Variants in ACTL8 observed in about 807,000 individuals in gnomAD.
ACTL8 encodes actin-like protein 8.
In ACTL8, 3 loss-of-function variants were observed where a neutral mutation model predicts 9.3. That is an observed-to-expected ratio of 0.32 (90% CI 0.15 to 0.83). The LOEUF (loss-of-function observed/expected upper bound fraction) is 0.83. ACTL8 is among the 40% of genes least tolerant of loss of function. The pLI, the probability that ACTL8 is intolerant of heterozygous loss-of-function variation, is 0.57. For missense variants in ACTL8, 381 were observed against 492.2 expected (o/e 0.77, Z 2.14); for synonymous variants, 224 against 205.9 (o/e 1.09, Z -0.75).
At position 17,823,279 on chromosome 1, in the gene ACTL8, C is replaced by T. The variant is rs150792142; in HGVS notation, c.271C>T (p.Arg91Trp). ...LWSFVLENHR[R>W]EQEVPPVIIT... ...GTCATTTGTGTTGGAGAACCACAGA[C>T]GGGAGCAAGAGGTCCCCCCTGTGAT... is the stretch of plus-strand genomic sequence containing the variant. Residue 91 changes from arginine to tryptophan, a missense_variant, in exon 2 of 3, where the codon CGG becomes TGG. By Grantham distance (101) the Arg-to-Trp change is moderately radical (BLOSUM62 -3). Coordinates refer to ENST00000375406, the MANE Select transcript of ACTL8 (RefSeq NM_030812.3). The surrounding 1 kb of genome is among the most constrained non-coding windows in gnomAD (Gnocchi z 5.3). The T allele has an allele frequency of 4.7e-5, 76 of 1,614,108 alleles. No individual in the cohort carries two copies. Among genetic ancestry groups the T allele is most frequent in the Non-Finnish European group, 5.8e-5 (69 of 1,180,032 alleles).
intron 1 of ACTL8, among the ~76,000 whole-genome samples, chr1:17,772,221 A>T (rs944798948): frequency 6.6e-6 from 1 of 152,240 alleles, no homozygotes; most frequent in African/African-American, 2.4e-5. Context: ...TATCGATTGC[A>T]TTGGAACAAA....
chr1:17,812,427 CTTTTTTTTTTTT>C (rs141182523), intron 1 of ACTL8, among the ~76,000 whole-genome samples: 3 of 122,412 alleles, frequency 2.5e-5, no homozygotes, highest in East Asian at 5.1e-4. Flanking sequence ...ATTTTTTTTC[CTTTTTTTTTTTT>C]TTTTTTTTGA....
chr1:17,808,356 C>A (rs1222336662), intron 1 of ACTL8, among the ~76,000 whole-genome samples: 1 of 152,212 alleles, frequency 6.6e-6, no homozygotes. Flanking sequence ...TATTGTTAGT[C>A]CTTTCATCTG....
intron 1 of ACTL8, among the ~76,000 whole-genome samples, chr1:17,780,707 C>T (rs896102098): frequency 2.8e-5 from 3 of 108,734 alleles, no homozygotes; most frequent in Non-Finnish European, 5.1e-5. Flanking sequence ...AGTCCTGAAT[C>T]GGGAACATTG....
At chr1:17,806,174 ATTC>A (rs2066358861) in intron 1 of ACTL8, among the ~76,000 whole-genome samples, 1 of 152,148 alleles carries the variant, frequency 6.6e-6, no homozygotes. Flanking sequence ...TTATTGAGTA[ATTC>A]TCACATTTAA....
intron 1 of ACTL8, among the ~76,000 whole-genome samples, chr1:17,809,304 T>G (rs563293311): frequency 6.6e-5 from 10 of 152,216 alleles, no homozygotes; most frequent in Admixed American, 6.5e-4. Context: ...AATATTGGGT[T>G]GGAGTTGAGT....
At chr1:17,798,825 G>T (rs1462802988) in intron 1 of ACTL8, among the ~76,000 whole-genome samples, 2 of 152,168 alleles carry the variant, frequency 1.3e-5, no homozygotes, top group South Asian at 2.1e-4. Context: ...CGTGTGTGTT[G>T]TCCTCAGATA....
intron 1 of ACTL8, among the ~76,000 whole-genome samples, chr1:17,796,962 G>A (rs1324148928): frequency 2.0e-5 from 3 of 152,214 alleles, no homozygotes; most frequent in Non-Finnish European, 2.9e-5. Context: ...CTCTGCTCTG[G>A]CACTTTCTAG....
At chr1:17,764,480 G>A (rs16830722) in intron 1 of ACTL8, among the ~76,000 whole-genome samples, 6,556 of 152,242 alleles carry the variant, frequency 0.043, 370 homozygotes, top group East Asian at 0.28. Flanking sequence ...GCATGGTCAG[G>A]AATGCTACGA....
intron 1 of ACTL8, among the ~76,000 whole-genome samples, chr1:17,813,146 A>G (rs1023662291): frequency 6.6e-6 from 1 of 152,162 alleles, no homozygotes; most frequent in African/African-American, 2.4e-5. Flanking sequence ...CAGTCTTGCC[A>G]TATTGCACTG....
chr1:17,785,652 G>A (rs1448684373), intron 1 of ACTL8, among the ~76,000 whole-genome samples: 2 of 152,180 alleles, frequency 1.3e-5, no homozygotes, highest in Admixed American at 6.5e-5. Context: ...GCTCCAGATA[G>A]TTGTTAGCTA....
intron 1 of ACTL8, among the ~76,000 whole-genome samples, chr1:17,799,539 T>C (rs2066305572): frequency 1.3e-5 from 2 of 152,136 alleles, no homozygotes; most frequent in South Asian, 2.1e-4. Flanking sequence ...CATTTTGATA[T>C]GTTTGTCTTA....
At chr1:17,805,147 C>T (rs1570033260) in intron 1 of ACTL8, among the ~76,000 whole-genome samples, 1 of 152,092 alleles carries the variant, frequency 6.6e-6, no homozygotes, top group African/African-American at 2.4e-5. Context: ...CGGGGAAGCA[C>T]CCACTTCAGG....
intron 1 of ACTL8, among the ~76,000 whole-genome samples, chr1:17,821,851 C>G (rs1457845091): frequency 6.6e-6 from 1 of 152,192 alleles, no homozygotes; most frequent in Non-Finnish European, 1.5e-5. Flanking sequence ...GTCTTGAACT[C>G]CTGACCTCAG....
In ACTL8 at chr1:17,759,978, C is replaced by T. The variant is rs116434258; in HGVS notation, c.-25+4474C>T. ...TGAAACTTACCTATTCAAATGACTG[C>T]GCAGCTTCCCCCTCCTAATAGGATG... is the stretch of plus-strand genomic sequence containing the variant. On this transcript the variant is annotated intron_variant, in intron 1 of 2. Transcript: ENST00000375406. 9.7e-3 allele frequency among the ~76,000 whole-genome samples: 1,470 copies of T among 152,248 alleles called. 25 individuals carry two copies. The highest frequency in any genetic ancestry group is 0.034 in the African/African-American group (1,408 of 41,530).
chr1:17,808,814 AGAG>A (rs1439281518), intron 1 of ACTL8, among the ~76,000 whole-genome samples: 1 of 152,176 alleles, frequency 6.6e-6, no homozygotes, highest in Admixed American at 6.5e-5. Flanking sequence ...TTTTAGGCAG[AGAG>A]GAGATGTAGA....
chr1:17,825,637 A>G (rs2053708704), intron 2 of ACTL8, 130 bp from the exon 3 acceptor site: 3 of 1,216,484 alleles, frequency 2.5e-6, no homozygotes, highest in Admixed American at 5.2e-5. Flanking sequence ...CATAAGCTCC[A>G]GGGGCCCTGG....
chr1:17,762,435 G>A (rs1454127633), intron 1 of ACTL8, among the ~76,000 whole-genome samples: 3 of 152,120 alleles, frequency 2.0e-5, no homozygotes, highest in South Asian at 2.1e-4. Context: ...CCCAGGTGCT[G>A]TGGCTACGCT....
chr1:17,826,729 T>C lies in ACTL8; in HGVS notation c.*210T>C, dbSNP rs1406422589. ...CAAGGGGGAAGACAAGATGTCATCC[T>C]TGGAAACCCTGCAGGGGACAGTTTT... On this transcript the variant is annotated 3_prime_UTR_variant, in exon 3 of 3. Transcript: ENST00000375406. The surrounding 1 kb of genome is among the most constrained non-coding windows in gnomAD (Gnocchi z 4.5). 1 of 448,504 alleles carries C rather than the reference T, an allele frequency of 2.2e-6. No individual in the cohort carries two copies. Among genetic ancestry groups the C allele is most frequent in the Non-Finnish European group, 3.8e-6 (1 of 265,684 alleles). 27.8% of individuals were successfully genotyped at this position (448,504 alleles called of 1,614,324 possible).
Sources: allele counts gnomAD v4.1 joint callset (sites outside exome capture counted in the v4.1 genomes callset), GRCh38; gene constraint gnomAD v4.1.1; non-coding constraint Gnocchi (gnomAD v3.1); transcripts MANE v1.5; gene names NCBI Gene and HGNC (gene_info 2026-07-23, HGNC 2026-07-21).